Variants in LCA5 observed in about 807,000 individuals in gnomAD.
The protein encoded by LCA5 is lebercilin.
A neutral mutation model predicts 53.0 loss-of-function variants in LCA5; 37 were observed. The ratio of observed to expected loss-of-function variants is 0.70; its 90% CI spans 0.54 to 0.92. LCA5 has a LOEUF of 0.92. Ranked by LOEUF, LCA5 falls within the 40% of genes least tolerant of loss-of-function variation. The probability of loss-of-function intolerance (pLI) is 0.00; values close to 1 mark genes in which losing one functional copy is unlikely to be tolerated. For synonymous variants in LCA5, 303 were observed against 282.9 expected, an observed-to-expected ratio of 1.07 and a Z score of -0.71; for missense variants, 806 against 790.5, an observed-to-expected ratio of 1.02 and a Z score of -0.23.
intron 1 of LCA5, among the ~76,000 whole-genome samples, chr6:79,531,413 C>T (rs1766956217): frequency 6.6e-6 from 1 of 152,128 alleles, no homozygotes; most frequent in Non-Finnish European, 1.5e-5. Flanking sequence ...TGCTTGATTC[C>T]ATGTTCTGTT....
Position 79,513,686 on chromosome 6 carries a change from T to C in LCA5, c.246A>G (p.Gly82=), listed in dbSNP as rs765988422. The change falls in exon 3 of 8, where the codon GGA becomes GGG. Residue 82 remains glycine, a synonymous_variant. Transcript: ENST00000369846. ...GLPNRKGVRV[G]FRSQSLNREP... is the part of the protein sequence containing the mutation. ...CTCTATTGAGGCTCTGGGAGCGAAA[T>C]CCCACTCGGACTCCCTTTCTGTTTG... is the stretch of plus-strand genomic sequence containing the variant. The C allele has an allele frequency of 1.9e-6, 3 of 1,613,738 alleles. No individual in the cohort carries two copies. In the Admixed American group the frequency reaches 5.0e-5, roughly 27 times the overall value.
intron 3 of LCA5, 68 bp downstream of exon 3, chr6:79,513,144 G>T: frequency 7.0e-7 from 1 of 1,435,268 alleles, no homozygotes; most frequent in Non-Finnish European, 9.8e-7. Flanking sequence ...GCAATTTTAA[G>T]AGAGCACATT....
At chr6:79,507,234 A>G (rs958926785) in intron 3 of LCA5, among the ~76,000 whole-genome samples, 10 of 152,292 alleles carry the variant, frequency 6.6e-5, no homozygotes, top group Middle Eastern at 6.8e-3. Context: ...ATAGAAAATT[A>G]TGCACTCTTG....
chr6:79,516,100 T>C (rs776344773), intron 2 of LCA5, among the ~76,000 whole-genome samples: 2 of 151,986 alleles, frequency 1.3e-5, no homozygotes, highest in African/African-American at 4.8e-5. Context: ...ATAATACTCA[T>C]ATATTATTAA....
chr6:79,503,055 T>A (rs1770185013), intron 3 of LCA5, among the ~76,000 whole-genome samples: 1 of 152,110 alleles, frequency 6.6e-6, no homozygotes, highest in South Asian at 2.1e-4. Context: ...TTAATTTTTG[T>A]ATTTTTGGTA....
intron 3 of LCA5, among the ~76,000 whole-genome samples, chr6:79,501,903 G>T (rs1770150906): frequency 6.6e-6 from 1 of 151,532 alleles, no homozygotes; most frequent in South Asian, 2.1e-4. Context: ...ATAGAATACA[G>T]ATGTATAATA....
At chr6:79,500,088 G>A (rs969001992) in intron 3 of LCA5, among the ~76,000 whole-genome samples, 1 of 151,542 alleles carries the variant, frequency 6.6e-6, no homozygotes, top group East Asian at 1.9e-4. Context: ...TCTTAATCCA[G>A]TCTACCATTG....
At chr6:79,537,655 G>A (rs552071693), upstream of LCA5, among the ~76,000 whole-genome samples, 6 of 152,312 alleles carry the variant, frequency 3.9e-5, no homozygotes, top group South Asian at 1.2e-3. Flanking sequence ...GCTGTGCGGT[G>A]CCAGGGCTCG....
At chr6:79,507,504 T>C (rs1000363418) in intron 3 of LCA5, among the ~76,000 whole-genome samples, 1 of 152,198 alleles carries the variant, frequency 6.6e-6, no homozygotes, top group Non-Finnish European at 1.5e-5. Context: ...CTATAAAAGT[T>C]AGCTGTACAT....
chr6:79,498,844 A>G (rs1294536983), intron 3 of LCA5, among the ~76,000 whole-genome samples: 1 of 152,140 alleles, frequency 6.6e-6, no homozygotes, highest in Non-Finnish European at 1.5e-5. Context: ...AATTTTAAGA[A>G]ACAGATTATC....
chr6:79,511,002 G>C (rs1002125107), intron 3 of LCA5, among the ~76,000 whole-genome samples: 1 of 151,302 alleles, frequency 6.6e-6, no homozygotes, highest in African/African-American at 2.4e-5. Context: ...CTTTAGAAAA[G>C]AGAATGTTCT....
At chr6:79,504,806 G>C (rs1035493954) in intron 3 of LCA5, among the ~76,000 whole-genome samples, 1 of 152,018 alleles carries the variant, frequency 6.6e-6, no homozygotes, top group African/African-American at 2.4e-5. Context: ...TTTCGTGTGT[G>C]TGCAAAAATA....
rs1288094831 is a variant in LCA5, at chr6:79,504,586, G to A, written c.720+8626C>T. 2.6e-5 allele frequency among the ~76,000 whole-genome samples: 4 copies of A among 152,150 alleles called. No homozygotes were observed. The South Asian group carries it at 8.3e-4, about 32-fold the overall frequency. On this transcript the variant is annotated intron_variant, in intron 3 of 7. Coordinates refer to ENST00000369846, the MANE Select transcript of LCA5 (RefSeq NM_001122769.3). ...GGTCACTGGGTGAACTCTGTGACTG[G>A]TACAAGAGTATCTAACAGTCTGTTT...
chr6:79,533,047 A>G (rs1767003182), intron 1 of LCA5, among the ~76,000 whole-genome samples: 1 of 152,146 alleles, frequency 6.6e-6, no homozygotes, highest in Non-Finnish European at 1.5e-5. Context: ...AGCAAATCAA[A>G]AAGTTTTCCT....
At chr6:79,529,257 C>G (rs1476338841) in intron 1 of LCA5, among the ~76,000 whole-genome samples, 1 of 152,170 alleles carries the variant, frequency 6.6e-6, no homozygotes, top group Non-Finnish European at 1.5e-5. Flanking sequence ...TAAAGCAATT[C>G]AAGTACCAGA....
chr6:79,521,478 C>T (rs1277810161), intron 1 of LCA5, among the ~76,000 whole-genome samples: 1 of 152,140 alleles, frequency 6.6e-6, no homozygotes, highest in Non-Finnish European at 1.5e-5. Flanking sequence ...ATTTTATTCT[C>T]AGACTTATAC....
chr6:79,493,673 C>T lies in LCA5; in HGVS notation c.798G>A (p.Glu266=), dbSNP rs775608076. 4 of 1,613,350 alleles carry T rather than the reference C, an allele frequency of 2.5e-6. No individual in the cohort carries two copies. The African/African-American group carries it at 5.3e-5, about 22-fold the overall frequency. The change falls in exon 4 of 8, where the codon GAG becomes GAA. Residue 266 remains glutamate (E), a synonymous_variant. Coordinates refer to ENST00000369846, the MANE Select transcript of LCA5 (RefSeq NM_001122769.3). ...GAAGAACTTTATTTTCATCATGAGCCTCATATGCCCTTTTCCTTTCAGCAA... is the reference window on the plus strand; with the variant it reads ...GAAGAACTTTATTTTCATCATGAGCTTCATATGCCCTTTTCCTTTCAGCAA... ...QLLAERKRAY[E]AHDENKVLQK...
At chr6:79,506,028 C>G (rs1770263931) in intron 3 of LCA5, among the ~76,000 whole-genome samples, 1 of 152,016 alleles carries the variant, frequency 6.6e-6, no homozygotes, top group Non-Finnish European at 1.5e-5. Context: ...TATAATACAC[C>G]TACTCGAGGG....
Position 79,485,266 on chromosome 6 carries a change from T to G in LCA5, c.*1738A>C, listed in dbSNP as rs1324035126. The G allele has an allele frequency of 6.6e-6, 1 of 152,446 alleles. No homozygotes were observed. Among genetic ancestry groups the G allele is most frequent in the Non-Finnish European group, 1.5e-5 (1 of 67,956 alleles). 9.4% of individuals were successfully genotyped at this position (152,446 alleles called of 1,614,324 possible). ...AATTTAAATGACGTGAATAAAAAAC[T>G]TAACTAAAAAGTTTTAAAAGCCTTT... On this transcript the variant is annotated 3_prime_UTR_variant, in exon 8 of 8. Transcript: ENST00000369846.
Sources: allele counts gnomAD v4.1 joint callset (sites outside exome capture counted in the v4.1 genomes callset), GRCh38; gene constraint gnomAD v4.1.1; transcripts MANE v1.5; gene names NCBI Gene and HGNC (gene_info 2026-07-23, HGNC 2026-07-21).